HPSE2: variants seen among roughly 807,000 people sequenced by gnomAD.
HPSE2 encodes inactive heparanase-2.
In HPSE2, 38 loss-of-function variants were observed where a neutral mutation model predicts 60.5. The ratio of observed to expected loss-of-function variants is 0.63; its 90% CI spans 0.48 to 0.82. The LOEUF is 0.82. HPSE2 is among the 40% of genes least tolerant of loss of function. The pLI is 0.00. For missense variants in HPSE2, 713 were observed against 740.4 expected, an observed-to-expected ratio of 0.96 and a Z score of 0.43; for synonymous variants, 295 against 293.2, an observed-to-expected ratio of 1.01 and a Z score of -0.06.
At chr10:99,147,682 G>A (rs889285347) in intron 2 of HPSE2, among the ~76,000 whole-genome samples, 1 of 152,106 alleles carries the variant, frequency 6.6e-6, no homozygotes, top group Non-Finnish European at 1.5e-5. Flanking sequence ...AAAATGTTTA[G>A]GGAAAAAAAT....
chr10:98,933,437 T>A (rs991278782), intron 3 of HPSE2, among the ~76,000 whole-genome samples: 2 of 144,400 alleles, frequency 1.4e-5, no homozygotes, highest in Non-Finnish European at 3.0e-5. Flanking sequence ...CTGTTGTTTT[T>A]GAGTGGAGCG....
chr10:98,803,655 G>T lies in HPSE2; in HGVS notation c.611-59599C>A, dbSNP rs1425904087. Among the ~76,000 whole-genome samples the T allele has an allele frequency of 9.3e-4, 141 of 151,048 alleles. 4 individuals are homozygous for T. In the East Asian group the frequency reaches 0.026, roughly 28 times the overall value. ...GTAGATATGCGGCATTATTTCTGAG[G>T]GCTCTGTTCTGTTCCATTGATCTAT... On this transcript the variant is annotated intron_variant, in intron 3 of 11. Transcript: ENST00000370552.
chr10:98,952,314 T>C (rs12217921), intron 3 of HPSE2, among the ~76,000 whole-genome samples: 1 of 137,412 alleles, frequency 7.3e-6, no homozygotes, highest in African/African-American at 2.8e-5. Flanking sequence ...AAGAATTTGT[T>C]TGTGTGTGTG....
At chr10:98,544,574 G>A (rs1485498284) in intron 9 of HPSE2, among the ~76,000 whole-genome samples, 15 of 151,630 alleles carry the variant, frequency 9.9e-5, no homozygotes, top group African/African-American at 2.2e-4. Context: ...TTAGCCGGGC[G>A]TGGTGGCGGG....
Position 98,793,744 on chromosome 10 carries a change from T to C in HPSE2, c.611-49688A>G, listed in dbSNP as rs72836732. ...AGATGAGGTGTTAAAGTGTCACTTTTGAGTTAGGGCCCAATGATGACAAGA... is the reference window on the plus strand; with the variant it reads ...AGATGAGGTGTTAAAGTGTCACTTTCGAGTTAGGGCCCAATGATGACAAGA... On this transcript the variant is annotated intron_variant, in intron 3 of 11. Transcript: ENST00000370552. Among the ~76,000 whole-genome samples the C allele has an allele frequency of 4.7e-3, 723 of 152,338 alleles. 1 individual carries two copies. Among genetic ancestry groups the C allele is most frequent in the Non-Finnish European group, 7.8e-3 (534 of 68,030 alleles).
chr10:99,251,458 A>C, the HPSE2 span, among the ~76,000 whole-genome samples: 74 of 45,770 alleles, frequency 1.6e-3, 2 homozygotes, highest in South Asian at 0.065. Flanking sequence ...TATTCCAAAA[A>C]ATCGAGGAGG....
intron 3 of HPSE2, among the ~76,000 whole-genome samples, chr10:98,817,883 T>C (rs1164438516): frequency 6.6e-6 from 1 of 152,208 alleles, no homozygotes; most frequent in Non-Finnish European, 1.5e-5. Context: ...TTAAAATTGT[T>C]ATCCAAACAC....
chr10:99,117,594 G>A (rs1162444406), intron 3 of HPSE2, among the ~76,000 whole-genome samples: 1 of 151,908 alleles, frequency 6.6e-6, no homozygotes, highest in Non-Finnish European at 1.5e-5. Flanking sequence ...ACATCTCTAT[G>A]CACATAAACT....
intron 3 of HPSE2, among the ~76,000 whole-genome samples, chr10:98,976,756 C>T (rs557408396): frequency 8.6e-5 from 13 of 150,846 alleles, no homozygotes; most frequent in Non-Finnish European, 1.3e-4. Context: ...AAAAGTCATT[C>T]AAAATATCCA....
intron 3 of HPSE2, among the ~76,000 whole-genome samples, chr10:99,108,200 G>A (rs1394082321): frequency 6.6e-6 from 1 of 152,068 alleles, no homozygotes; most frequent in African/African-American, 2.4e-5. Context: ...AAAAGAGACA[G>A]GTAACTAGGC....
At chr10:99,258,178 A>C in the HPSE2 span, among the ~76,000 whole-genome samples, 1 of 152,138 alleles carries the variant, frequency 6.6e-6, no homozygotes. Context: ...ATCAATATAC[A>C]AAAGTTAATT....
At chr10:99,209,364 T>C (rs1382361090) in intron 2 of HPSE2, among the ~76,000 whole-genome samples, 1 of 152,156 alleles carries the variant, frequency 6.6e-6, no homozygotes, top group Non-Finnish European at 1.5e-5. Context: ...AAATACATGG[T>C]AATTTAACAA....
At chr10:98,982,577 T>C (rs2135304334) in intron 3 of HPSE2, among the ~76,000 whole-genome samples, 1 of 152,246 alleles carries the variant, frequency 6.6e-6, no homozygotes, top group African/African-American at 2.4e-5. Flanking sequence ...TAAAAACAGA[T>C]ATGGCTTTCT....
intron 2 of HPSE2, among the ~76,000 whole-genome samples, chr10:99,214,651 C>T (rs181138338): frequency 8.0e-4 from 121 of 152,020 alleles, no homozygotes; most frequent in Non-Finnish European, 1.4e-3. Context: ...TCAGGGTGAA[C>T]AGGCAACCTA....
chr10:98,884,169 T>C (rs776035095), intron 3 of HPSE2, among the ~76,000 whole-genome samples: 2 of 152,130 alleles, frequency 1.3e-5, no homozygotes, highest in Non-Finnish European at 2.9e-5. Context: ...CTCTCTTTAA[T>C]TCTCTGAAGG....
At chr10:98,630,961 AC>A (rs1946352748) in intron 7 of HPSE2, among the ~76,000 whole-genome samples, 1 of 152,094 alleles carries the variant, frequency 6.6e-6, no homozygotes, top group Non-Finnish European at 1.5e-5. Flanking sequence ...TCCATATTTA[AC>A]ATGTCCTTCT....
intron 3 of HPSE2, among the ~76,000 whole-genome samples, chr10:98,897,553 A>C (rs1397118790): frequency 6.6e-6 from 1 of 152,140 alleles, no homozygotes; most frequent in Non-Finnish European, 1.5e-5. Flanking sequence ...ATGACATACA[A>C]ATAAAGTCAA....
At chr10:98,700,460 G>A (rs1265491081) in intron 5 of HPSE2, among the ~76,000 whole-genome samples, 2 of 145,826 alleles carry the variant, frequency 1.4e-5, no homozygotes, top group Non-Finnish European at 3.0e-5. Context: ...GCTGAAACTG[G>A]ATCCCTTCCT....
the HPSE2 span, among the ~76,000 whole-genome samples, chr10:99,260,030 T>C: frequency 1.3e-5 from 2 of 152,184 alleles, no homozygotes; most frequent in African/African-American, 4.8e-5. Context: ...AGGGGACTGC[T>C]GCTCTAGGAA....
Sources: gnomAD v4.1 joint callset for allele counts (sites outside exome capture counted in the v4.1 genomes callset) on GRCh38, gnomAD v4.1.1 for gene constraint, MANE v1.5 for transcripts, NCBI Gene and HGNC (gene_info 2026-07-23, HGNC 2026-07-21) for gene names.